CAMK1D: variants seen among roughly 807,000 people sequenced by gnomAD.
CAMK1D encodes calcium/calmodulin dependent protein kinase ID, also known as calcium/calmodulin-dependent protein kinase type 1D.
CAMK1D carries 9 observed loss-of-function variants against 47.7 expected under a neutral mutation model. That is an observed-to-expected ratio of 0.19 (90% CI 0.11 to 0.33). CAMK1D has a LOEUF of 0.33. CAMK1D is among the 10% of genes least tolerant of loss of function. The pLI is 1.00. For missense variants in CAMK1D, 291 were observed against 488.7 expected, an observed-to-expected ratio of 0.60 and a Z score of 3.81; for synonymous variants, 184 against 184.9, an observed-to-expected ratio of 0.99 and a Z score of 0.04.
intron 1 of CAMK1D, among the ~76,000 whole-genome samples, chr10:12,398,283 T>A (rs562186614): frequency 6.6e-6 from 1 of 152,320 alleles, no homozygotes; most frequent in South Asian, 2.1e-4. Context: ...GCCAAAAATA[T>A]GTATATACAT....
At position 12,349,779 on chromosome 10, in the gene CAMK1D, GCGCGCCCCCGGCCGCTCCTC is replaced by G; in HGVS notation, c.-33_-14del. 1 of 1,144,328 alleles carries G rather than the reference GCGCGCCCCCGGCCGCTCCTC, an allele frequency of 8.7e-7. No individual in the cohort carries two copies. Among genetic ancestry groups the G allele is most frequent in the South Asian group, 2.1e-5 (1 of 47,882 alleles). The allele number at this position is 1,144,328 out of a possible 1,614,324, so 70.9% of individuals were successfully genotyped here. ...CCGCGCCCCCGGCGCCCCCTCCCCAGCGCGCCCCCGGCCGCTCCTCCGCGCCGCGCTCGTCGGCCATGGCC... is the reference window on the plus strand; with the variant it reads ...CCGCGCCCCCGGCGCCCCCTCCCCAGCGCGCCGCGCTCGTCGGCCATGGCC... On this transcript the variant is annotated 5_prime_UTR_variant, in exon 1 of 11. Transcript: ENST00000619168.
At chr10:12,656,474 G>A (rs891719226) in intron 2 of CAMK1D, among the ~76,000 whole-genome samples, 3 of 152,032 alleles carry the variant, frequency 2.0e-5, no homozygotes, top group African/African-American at 2.4e-5. Flanking sequence ...CCTGGGTGAC[G>A]GAGTGAGAGA....
In CAMK1D at chr10:12,421,187, A is replaced by G. The variant is rs1049044414; in HGVS notation, c.92+71277A>G. On this transcript the variant is annotated intron_variant, in intron 1 of 10. Coordinates refer to ENST00000619168, the MANE Select transcript of CAMK1D (RefSeq NM_153498.4). ...GGTACCTGGGCCTGGTCTCCTTCCC[A>G]TGTTCACATCCTAGGATAGGAATCC... Among the ~76,000 whole-genome samples the G allele has an allele frequency of 2.0e-5, 3 of 152,258 alleles. No individual in the cohort carries two copies. In the South Asian group the frequency reaches 6.2e-4, roughly 32 times the overall value.
chr10:12,543,138 C>T (rs1836251054), intron 1 of CAMK1D, among the ~76,000 whole-genome samples: 2 of 152,208 alleles, frequency 1.3e-5, no homozygotes, highest in South Asian at 4.1e-4. Context: ...ACCTCCACTT[C>T]CTGGGTTCAA....
intron 1 of CAMK1D, among the ~76,000 whole-genome samples, chr10:12,366,467 C>T (rs1409340052): frequency 1.3e-5 from 2 of 151,156 alleles, no homozygotes. Context: ...CGAGCCTGGC[C>T]AACATAGTGA....
intron 1 of CAMK1D, among the ~76,000 whole-genome samples, chr10:12,421,294 AGTT>A (rs1840039716): frequency 6.6e-6 from 1 of 152,090 alleles, no homozygotes; most frequent in African/African-American, 2.4e-5. Flanking sequence ...TAAAGCATCT[AGTT>A]TCTACGGTTA....
intron 3 of CAMK1D, among the ~76,000 whole-genome samples, chr10:12,680,284 C>T (rs538156560): frequency 1.3e-5 from 2 of 152,278 alleles, no homozygotes; most frequent in South Asian, 4.1e-4. Context: ...GAGTAGAGAG[C>T]CACAGAGTCT....
chr10:12,813,082 A>T (rs953148530), intron 6 of CAMK1D, among the ~76,000 whole-genome samples: 2 of 152,196 alleles, frequency 1.3e-5, no homozygotes, highest in African/African-American at 4.8e-5. Flanking sequence ...TGTGTGTCAG[A>T]TGCCTGTTGT....
chr10:12,665,418 G>A (rs1840398148), intron 2 of CAMK1D, among the ~76,000 whole-genome samples: 1 of 152,176 alleles, frequency 6.6e-6, no homozygotes, highest in African/African-American at 2.4e-5. Flanking sequence ...AAGGTTTCTT[G>A]CTGTTTAGCG....
chr10:12,808,532 C>T (rs992421558), intron 6 of CAMK1D, among the ~76,000 whole-genome samples: 1 of 152,196 alleles, frequency 6.6e-6, no homozygotes, highest in Non-Finnish European at 1.5e-5. Flanking sequence ...CACAGCAGCA[C>T]TTTGGGAGGC....
chr10:12,758,061 G>A (rs1588892887), intron 3 of CAMK1D, among the ~76,000 whole-genome samples: 2 of 152,202 alleles, frequency 1.3e-5, no homozygotes, highest in Admixed American at 6.5e-5. Flanking sequence ...ATGTTGGCCA[G>A]GTTGGTCTTG....
intron 3 of CAMK1D, among the ~76,000 whole-genome samples, chr10:12,667,300 G>A (rs1172671338): frequency 2.0e-5 from 3 of 152,178 alleles, no homozygotes; most frequent in African/African-American, 7.2e-5. Context: ...GACTGAAAAG[G>A]GAATTCGTGC....
chr10:12,829,944 G>C lies in CAMK1D; in HGVS notation c.*1057G>C, dbSNP rs554147946. On this transcript the variant is annotated 3_prime_UTR_variant, in exon 11 of 11. Coordinates refer to ENST00000619168, the MANE Select transcript of CAMK1D (RefSeq NM_153498.4). ...CATCCAGCAGAACCCACACCCACCA[G>C]AGACCCTAGAGGCCTCTTGCCATCA... is the stretch of plus-strand genomic sequence containing the variant. 7 of 152,282 alleles carry C rather than the reference G, an allele frequency of 4.6e-5. No individual in the cohort carries two copies. The highest frequency in any genetic ancestry group is 1.4e-4 in the African/African-American group (6 of 41,516). 9.4% of individuals were successfully genotyped at this position (152,282 alleles called of 1,614,324 possible).
rs186429564 is a variant in CAMK1D at position 12,628,165 on chromosome 10, G to A, written c.225-38571G>A. Among the ~76,000 whole-genome samples the A allele has an allele frequency of 2.0e-3, 307 of 151,846 alleles. 1 individual carries two copies. In the Middle Eastern group the frequency reaches 0.035, roughly 17 times the overall value. On this transcript the variant is annotated intron_variant, in intron 2 of 10. Transcript: ENST00000619168. ...TAAGTTAAAGCTGTTATGAACATTT[G>A]TATTCAAGTGTTTGTGTAGACCTAT...
intron 2 of CAMK1D, among the ~76,000 whole-genome samples, chr10:12,643,657 G>A (rs1588724791): frequency 6.6e-6 from 1 of 152,242 alleles, no homozygotes; most frequent in East Asian, 1.9e-4. Flanking sequence ...GCCGAGGTGG[G>A]TGGATCACTT....
chr10:12,427,177 C>T (rs1043377066), intron 1 of CAMK1D, among the ~76,000 whole-genome samples: 4 of 152,086 alleles, frequency 2.6e-5, no homozygotes, highest in Admixed American at 6.6e-5. Context: ...GATGGAGCCC[C>T]GGCAGGAAAG....
At chr10:12,464,297 T>A (rs11257809) in intron 1 of CAMK1D, among the ~76,000 whole-genome samples, 20,742 of 152,090 alleles carry the variant, frequency 0.14, 1,619 homozygotes, top group Non-Finnish European at 0.19. Flanking sequence ...GTATTTTTCC[T>A]CTCCTTCAGT....
intron 1 of CAMK1D, among the ~76,000 whole-genome samples, chr10:12,505,723 C>G (rs1834849094): frequency 6.6e-6 from 1 of 152,196 alleles, no homozygotes; most frequent in African/African-American, 2.4e-5. Context: ...TCAGAGCAGT[C>G]AGATCTCTTC....
chr10:12,368,210 A>AT (rs1554760138), intron 1 of CAMK1D, among the ~76,000 whole-genome samples: 1,765 of 150,460 alleles, frequency 0.012, 33 homozygotes, highest in African/African-American at 0.038. Context: ...AAAAAAAAAA[A>AT]AAAATAAAAT....
Sources: gnomAD v4.1 joint callset for allele counts (sites outside exome capture counted in the v4.1 genomes callset) on GRCh38, gnomAD v4.1.1 for gene constraint, MANE v1.5 for transcripts, NCBI Gene and HGNC (gene_info 2026-07-23, HGNC 2026-07-21) for gene names.